CELF2: variants seen among roughly 807,000 people sequenced by gnomAD.
CELF2 encodes the protein CUG triplet repeat RNA-binding protein 2.
Under a neutral mutation model 62.6 loss-of-function variants are expected in CELF2, and 8 were observed. The ratio of observed to expected loss-of-function variants is 0.13; its 90% CI spans 0.07 to 0.23. The LOEUF (loss-of-function observed/expected upper bound fraction) is 0.23. Ranked by LOEUF, CELF2 falls within the 10% of genes least tolerant of loss-of-function variation. The pLI, the probability that CELF2 is intolerant of heterozygous loss-of-function variation, is 1.00. For missense variants in CELF2, 333 were observed against 671.0 expected (o/e 0.50, Z 5.56); for synonymous variants, 258 against 250.0 (o/e 1.03, Z -0.30).
In CELF2 at chr10:11,156,876, A is replaced by G. The variant is rs1216966850; in HGVS notation, c.75-8610A>G. On this transcript the variant is annotated intron_variant, in intron 1 of 12. Transcript: ENST00000633077. This position sits in a 1 kb window ranked among gnomAD's most constrained non-coding sequence, Gnocchi z 4.3. ...TTTGAGCCAGTATGAAAGACAGGGA[A>G]GATGAGCCTAAAAGCTGATTGGAGG... Among the ~76,000 whole-genome samples the G allele has an allele frequency of 6.6e-6, 1 of 152,228 alleles. No individual in the cohort carries two copies. The highest frequency in any genetic ancestry group is 1.5e-5 in the Non-Finnish European group (1 of 68,036).
At chr10:11,200,710 A>G (rs1398056180) in intron 2 of CELF2, among the ~76,000 whole-genome samples, 1 of 152,180 alleles carries the variant, frequency 6.6e-6, no homozygotes, top group Non-Finnish European at 1.5e-5. Context: ...TGCTGCTGGT[A>G]GGTTGGAGAA....
chr10:10,598,126 G>C, the CELF2 span, among the ~76,000 whole-genome samples: 20,019 of 152,000 alleles, frequency 0.13, 1,586 homozygotes, highest in Non-Finnish European at 0.19. Flanking sequence ...AGAGAGTTGG[G>C]GTCCTTCCTA....
chr10:10,998,042 G>A (rs933298165), intron 2 of CELF2, among the ~76,000 whole-genome samples: 3 of 152,096 alleles, frequency 2.0e-5, no homozygotes, highest in African/African-American at 4.8e-5. Flanking sequence ...CTCTGCACAC[G>A]CTCTCTTGCC....
At chr10:11,222,394 T>C (rs2065122925) in intron 3 of CELF2, among the ~76,000 whole-genome samples, 1 of 152,202 alleles carries the variant, frequency 6.6e-6, no homozygotes, top group South Asian at 2.1e-4. Flanking sequence ...CCTGAAACCA[T>C]CCCATTGGAA....
At chr10:11,138,620 C>A (rs1459065272) in intron 1 of CELF2, among the ~76,000 whole-genome samples, 1 of 152,228 alleles carries the variant, frequency 6.6e-6, no homozygotes, top group African/African-American at 2.4e-5. Flanking sequence ...TGAAAACATA[C>A]TGCCAAACGT....
At chr10:10,863,004 T>A (rs1041659710) in intron 1 of CELF2, among the ~76,000 whole-genome samples, 9 of 152,184 alleles carry the variant, frequency 5.9e-5, no homozygotes, top group African/African-American at 2.2e-4. Flanking sequence ...GTCATCTACA[T>A]AGACTTCACA....
chr10:10,928,060 C>T lies in CELF2; in HGVS notation c.89+8061C>T, dbSNP rs948259282. Among the ~76,000 whole-genome samples the T allele has an allele frequency of 2.6e-5, 4 of 152,198 alleles. No homozygotes were observed. Among genetic ancestry groups the T allele is most frequent in the African/African-American group, 9.7e-5 (4 of 41,440 alleles). On this transcript the variant is annotated intron_variant, in intron 2 of 13. Transcript: ENST00000636488. The surrounding 1 kb of genome is among the most constrained non-coding windows in gnomAD (Gnocchi z 4.8). Reference sequence around the variant, plus strand: ...TCTGACACACCGGCCTTTCTCCGCACTTACTTCCACAGAAAGTTCTCCTTT... The same window carrying T: ...TCTGACACACCGGCCTTTCTCCGCATTTACTTCCACAGAAAGTTCTCCTTT...
At chr10:10,808,815 A>G (rs1222894902) in intron 1 of CELF2, among the ~76,000 whole-genome samples, 1 of 152,244 alleles carries the variant, frequency 6.6e-6, no homozygotes, top group Non-Finnish European at 1.5e-5. Context: ...AAAACCTTCT[A>G]CAGTCTCTTA....
In CELF2 at chr10:11,068,260, G is replaced by A. The variant is rs181650216; in HGVS notation, c.74+50097G>A. ...TAATCAGACCAATAAATGTCAAACCGCAACTGTGTTAGTGCTATGAGAGAG... is the reference window on the plus strand; with the variant it reads ...TAATCAGACCAATAAATGTCAAACCACAACTGTGTTAGTGCTATGAGAGAG... On this transcript the variant is annotated intron_variant, in intron 1 of 12. Transcript: ENST00000633077. Among the ~76,000 whole-genome samples, 463 of 152,280 alleles carry A rather than the reference G, an allele frequency of 3.0e-3. 2 individuals carry two copies. Among genetic ancestry groups the A allele is most frequent in the Middle Eastern group, 6.8e-3 (2 of 294 alleles).
At position 11,318,095 on chromosome 10, in the gene CELF2, A is replaced by C. The variant is rs1194871004; in HGVS notation, c.1097-3094A>C. The C allele has an allele frequency of 6.6e-6, 1 of 152,276 alleles. No individual in the cohort carries two copies. The highest frequency in any genetic ancestry group is 1.9e-4 in the East Asian group (1 of 5,200). 9.4% of individuals were successfully genotyped at this position (152,276 alleles called of 1,614,324 possible). A position where few individuals can be genotyped will look rare whatever the true frequency, so the allele number is the denominator to read the frequency against. ...CAAGTGCCTGCAGCTGGGTTGACCAACACTGTCTTTGATAGAATTAATCTA... is the reference window on the plus strand; with the variant it reads ...CAAGTGCCTGCAGCTGGGTTGACCACCACTGTCTTTGATAGAATTAATCTA... On this transcript the variant is annotated intron_variant, in intron 10 of 12. Transcript: ENST00000633077. The surrounding 1 kb of genome is among the most constrained non-coding windows in gnomAD (Gnocchi z 5.4).
intron 2 of CELF2, among the ~76,000 whole-genome samples, chr10:11,173,871 C>G (rs1250748824): frequency 1.3e-5 from 2 of 152,184 alleles, no homozygotes; most frequent in Admixed American, 6.5e-5. Context: ...AAAGTGGAAA[C>G]TAGGCTAAAA....
chr10:10,511,045 A>C, the CELF2 span, among the ~76,000 whole-genome samples: 2 of 152,332 alleles, frequency 1.3e-5, no homozygotes, highest in East Asian at 3.9e-4. Context: ...GCTTGGATTC[A>C]GTTCTGCATG....
chr10:10,705,366 T>TAA, the CELF2 span, among the ~76,000 whole-genome samples: 86,048 of 133,636 alleles, frequency 0.64, 28,311 homozygotes, highest in Non-Finnish European at 0.74. Flanking sequence ...CCTTCCCTAT[T>TAA]AAAAAAAAAA....
chr10:10,600,925 C>T, the CELF2 span, among the ~76,000 whole-genome samples: 150 of 152,350 alleles, frequency 9.8e-4, no homozygotes, highest in Admixed American at 1.7e-3. Flanking sequence ...GTGCAGTCAT[C>T]TGCCCATGCC....
At chr10:10,607,531 T>G in the CELF2 span, among the ~76,000 whole-genome samples, 1 of 151,986 alleles carries the variant, frequency 6.6e-6, no homozygotes, top group African/African-American at 2.4e-5. Flanking sequence ...CAAAACACAA[T>G]GGTATCAAAA....
intron 9 of CELF2, among the ~76,000 whole-genome samples, chr10:11,295,688 GAC>G (rs1243857030): frequency 1.3e-5 from 2 of 152,194 alleles, no homozygotes; most frequent in Non-Finnish European, 2.9e-5. Flanking sequence ...ACAGAAGCAT[GAC>G]ACACAAACCA....
the CELF2 span, among the ~76,000 whole-genome samples, chr10:10,693,858 T>A: frequency 6.7e-6 from 1 of 150,186 alleles, no homozygotes; most frequent in Non-Finnish European, 1.5e-5. Flanking sequence ...AGTAGTGATA[T>A]CCCCTTTATC....
intron 2 of CELF2, among the ~76,000 whole-genome samples, chr10:10,927,484 G>A (rs1368037655): frequency 6.6e-6 from 1 of 151,684 alleles, no homozygotes; most frequent in Non-Finnish European, 1.5e-5. Flanking sequence ...TGAAAGTTCA[G>A]TGGCATGATC....
intron 1 of CELF2, among the ~76,000 whole-genome samples, chr10:11,105,202 C>A (rs1268267107): frequency 6.6e-6 from 1 of 152,178 alleles, no homozygotes; most frequent in Non-Finnish European, 1.5e-5. Context: ...TTTTTACCAC[C>A]TGCAGTCCTA....
Sources: allele counts gnomAD v4.1 joint callset (sites outside exome capture counted in the v4.1 genomes callset), GRCh38; gene constraint gnomAD v4.1.1; non-coding constraint Gnocchi (gnomAD v3.1); transcripts MANE v1.5; gene names NCBI Gene and HGNC (gene_info 2026-07-23, HGNC 2026-07-21).